PRRG1: variants seen among roughly 807,000 people sequenced by gnomAD.
The protein encoded by PRRG1 is proline rich and Gla domain 1, also known as transmembrane gamma-carboxyglutamic acid protein 1.
In PRRG1, 5 loss-of-function variants were observed where a neutral mutation model predicts 11.8. That is an observed-to-expected ratio of 0.42 (90% confidence interval 0.22 to 0.89). The LOEUF is 0.89. Ranked by LOEUF, PRRG1 falls within the 40% of genes least tolerant of loss-of-function variation. PRRG1 has a pLI of 0.28. For missense variants in PRRG1, 155 were observed against 166.1 expected (o/e 0.93, Z 0.37); for synonymous variants, 66 against 60.4 (o/e 1.09, Z -0.43).
rs539773442 is a variant in PRRG1, at chrX:37,389,374, A to G, written c.-41-16835A>G. On this transcript the variant is annotated intron_variant, in intron 1 of 3. Coordinates refer to ENST00000378628, the MANE Select transcript of PRRG1 (RefSeq NM_001142395.2). ...TTTATTAATTCATTCTTGCAGTGCT[A>G]TAAAGAAATACATGAGACTGGGTAA... Among the ~76,000 whole-genome samples, 103 of 111,972 alleles carry G rather than the reference A, an allele frequency of 9.2e-4. 1 individual carries two copies. The South Asian group carries it at 0.038, about 41-fold the overall frequency.
Position 37,406,208 on chromosome X carries a change from G to A in PRRG1, c.-41-1G>A. The A allele has an allele frequency of 2.5e-6, 3 of 1,209,820 alleles. No individual in the cohort carries two copies. The highest frequency in any genetic ancestry group is 3.4e-6 in the Non-Finnish European group (3 of 894,250). ...GTGTGTATGTGCTCTGTTTTGTACA[G>A]GGAATCATCATCCAGGGACGTGCCA... On this transcript the variant is annotated splice_acceptor_variant, in intron 1 of 3. Coordinates refer to ENST00000378628, the MANE Select transcript of PRRG1 (RefSeq NM_001142395.2). LOFTEE classifies it low-confidence loss of function (5UTR_SPLICE).
chrX:37,353,809 C>T (rs1417559730), intron 1 of PRRG1, among the ~76,000 whole-genome samples: 4 of 112,276 alleles, frequency 3.6e-5, no homozygotes, highest in African/African-American at 1.3e-4. Context: ...TGTGTGAGTA[C>T]ATTCTATGAT....
At chrX:37,381,374 ATATAC>A (rs1343125864) in intron 1 of PRRG1, among the ~76,000 whole-genome samples, 2 of 112,180 alleles carry the variant, frequency 1.8e-5, no homozygotes, top group Non-Finnish European at 3.8e-5. Context: ...GTGTTATTGT[ATATAC>A]TATAAGGATG....
intron 1 of PRRG1, among the ~76,000 whole-genome samples, chrX:37,403,022 A>G (rs1437680875): frequency 2.7e-5 from 3 of 110,528 alleles, no homozygotes; most frequent in Non-Finnish European, 5.7e-5. Flanking sequence ...ACACTTTTAC[A>G]CTGTTGGTGG....
chrX:37,443,625 T>C (rs1310126126), intron 3 of PRRG1, among the ~76,000 whole-genome samples: 1 of 111,964 alleles, frequency 8.9e-6, no homozygotes, highest in East Asian at 2.8e-4. Context: ...GCCCCCAGTG[T>C]CCACTCCTAG....
At chrX:37,441,155 A>G (rs56673183) in intron 3 of PRRG1, 82,159 of 782,846 alleles carry the variant, frequency 0.1, 6,840 homozygotes, top group African/African-American at 0.56. Flanking sequence ...AGAAACAAGA[A>G]AATGTTACCA....
intron 2 of PRRG1, among the ~76,000 whole-genome samples, chrX:37,407,362 C>T (rs1373000065): frequency 2.7e-5 from 3 of 112,137 alleles, no homozygotes; most frequent in African/African-American, 9.7e-5. Context: ...CACATGTCTC[C>T]CAAGGCTTAA....
At chrX:37,371,808 C>T (rs1385689721) in intron 1 of PRRG1, among the ~76,000 whole-genome samples, 6 of 113,110 alleles carry the variant, frequency 5.3e-5, no homozygotes, top group Admixed American at 9.3e-5. Flanking sequence ...TTGCTCACAA[C>T]GCTCCTCACC....
chrX:37,395,673 A>G (rs1360140068), intron 1 of PRRG1, among the ~76,000 whole-genome samples: 3 of 110,717 alleles, frequency 2.7e-5, no homozygotes, highest in African/African-American at 9.9e-5. Flanking sequence ...TATACAATTA[A>G]GAAAGACTAT....
intron 2 of PRRG1, among the ~76,000 whole-genome samples, chrX:37,414,763 C>T (rs1341661380): frequency 1.8e-5 from 2 of 112,811 alleles, no homozygotes; most frequent in Non-Finnish European, 3.7e-5. Context: ...GACTCATGAA[C>T]ATTAATTACC....
intron 1 of PRRG1, among the ~76,000 whole-genome samples, chrX:37,399,438 T>C (rs1931866381): frequency 9.2e-6 from 1 of 108,759 alleles, no homozygotes; most frequent in African/African-American, 3.4e-5. Context: ...TGCTGAGAGA[T>C]TTTGTCACCA....
intron 3 of PRRG1, among the ~76,000 whole-genome samples, chrX:37,438,308 C>A (rs1932914112): frequency 9.0e-6 from 1 of 110,767 alleles, no homozygotes; most frequent in Non-Finnish European, 1.9e-5. Flanking sequence ...GATGACCAAA[C>A]CAATTAAACA....
intron 2 of PRRG1, among the ~76,000 whole-genome samples, chrX:37,415,967 C>T (rs1236244052): frequency 8.9e-6 from 1 of 111,858 alleles, no homozygotes; most frequent in Non-Finnish European, 1.9e-5. Flanking sequence ...CCTAAGGGTA[C>T]AAACTGCAGA....
At chrX:37,441,579 C>T (rs997721585) in intron 3 of PRRG1, 3 of 776,821 alleles carry the variant, frequency 3.9e-6, no homozygotes, top group South Asian at 6.2e-5. Flanking sequence ...ACTGCGAGGC[C>T]GCTGTCAACA....
intron 1 of PRRG1, among the ~76,000 whole-genome samples, chrX:37,392,200 T>G (rs948483072): frequency 2.7e-5 from 3 of 111,754 alleles, no homozygotes; most frequent in Non-Finnish European, 5.6e-5. Context: ...TAAATAAAGT[T>G]TTTATTAAAA....
rs782054110 is a variant in PRRG1 at position 37,454,548 on chromosome X, T to C, written c.*927T>C. The C allele has an allele frequency of 8.9e-6, 1 of 112,459 alleles. No homozygotes were observed. Among genetic ancestry groups the C allele is most frequent in the East Asian group, 2.8e-4 (1 of 3,617 alleles). The allele number at this position is 112,459 out of a possible 1,213,427, so 9.3% of individuals were successfully genotyped here. Reference sequence around the variant, plus strand: ...ACACTCTGTCCTACTCCCACAGAATTTTCAAGCCCTTAAGAGTTTAGTTAA... The same window carrying C: ...ACACTCTGTCCTACTCCCACAGAATCTTCAAGCCCTTAAGAGTTTAGTTAA... On this transcript the variant is annotated 3_prime_UTR_variant, in exon 4 of 4. Transcript: ENST00000378628.
chrX:37,385,599 C>T (rs1556374984), intron 1 of PRRG1, among the ~76,000 whole-genome samples: 1 of 110,611 alleles, frequency 9.0e-6, no homozygotes, highest in African/African-American at 3.3e-5. Flanking sequence ...ATGTAATAAA[C>T]ATTTGTTATC....
chrX:37,351,003 C>T (rs964071609), intron 1 of PRRG1, among the ~76,000 whole-genome samples: 2 of 111,165 alleles, frequency 1.8e-5, no homozygotes, highest in Non-Finnish European at 3.8e-5. Flanking sequence ...TGATTCACTT[C>T]TTGAAAAATT....
chrX:37,448,872 C>G (rs1361437264), intron 3 of PRRG1, among the ~76,000 whole-genome samples: 1 of 111,653 alleles, frequency 9.0e-6, no homozygotes, highest in African/African-American at 3.3e-5. Flanking sequence ...CTCAAGGGAC[C>G]CTCACACCTC....
Sources: allele counts gnomAD v4.1 joint callset (sites outside exome capture counted in the v4.1 genomes callset), GRCh38; gene constraint gnomAD v4.1.1; transcripts MANE v1.5; gene names NCBI Gene and HGNC (gene_info 2026-07-23, HGNC 2026-07-21).